CNTN4: variants seen among roughly 807,000 people sequenced by gnomAD.
CNTN4 encodes the protein contactin 4, also known as contactin-4.
CNTN4 carries 77 observed loss-of-function variants against 122.5 expected under a neutral mutation model. That is an observed-to-expected ratio of 0.63 (90% CI 0.52 to 0.76). The LOEUF (loss-of-function observed/expected upper bound fraction) is 0.76, where lower values mean the gene tolerates loss of function less well. Among genes scored for constraint, CNTN4 ranks in the 30% least tolerant of loss-of-function variants. The probability of loss-of-function intolerance (pLI) is 0.00; values close to 1 mark genes in which losing one functional copy is unlikely to be tolerated. For synonymous variants in CNTN4, 512 were observed against 447.0 expected (o/e 1.15, Z -1.83); for missense variants, 1,256 against 1,259.1 (o/e 1.00, Z 0.04).
At chr3:3,024,406 A>AC (rs1156579780) in intron 14 of CNTN4, among the ~76,000 whole-genome samples, 3 of 147,414 alleles carry the variant, frequency 2.0e-5, no homozygotes, top group Non-Finnish European at 3.0e-5. Context: ...AAAAAAAAAA[A>AC]AACAACTTCA....
At chr3:2,175,873 A>C (rs943995848) in intron 2 of CNTN4, among the ~76,000 whole-genome samples, 3 of 152,220 alleles carry the variant, frequency 2.0e-5, no homozygotes, top group African/African-American at 7.2e-5. Context: ...AGCAGCTAGC[A>C]CAGCAAAAAA....
intron 2 of CNTN4, among the ~76,000 whole-genome samples, chr3:2,145,314 T>C (rs1290472135): frequency 1.3e-5 from 2 of 152,208 alleles, no homozygotes; most frequent in Non-Finnish European, 1.5e-5. Flanking sequence ...CACAGTGATC[T>C]GAACCCATTT....
chr3:2,600,034 T>G (rs1309760463), intron 4 of CNTN4, among the ~76,000 whole-genome samples: 1 of 143,442 alleles, frequency 7.0e-6, no homozygotes, highest in East Asian at 2.0e-4. Context: ...TTTTTTTTTT[T>G]TGCCAAAACA....
At chr3:2,506,190 C>G (rs1486056700) in intron 3 of CNTN4, among the ~76,000 whole-genome samples, 1 of 152,150 alleles carries the variant, frequency 6.6e-6, no homozygotes, top group Admixed American at 6.5e-5. Context: ...AGCTGTGACT[C>G]CTGTCATGTA....
At chr3:2,665,314 T>C (rs531092112) in intron 4 of CNTN4, among the ~76,000 whole-genome samples, 2 of 152,346 alleles carry the variant, frequency 1.3e-5, no homozygotes, top group African/African-American at 4.8e-5. Context: ...CAGGATATTT[T>C]CATGAGCTTT....
At chr3:2,744,437 C>T (rs2089644760) in intron 5 of CNTN4, among the ~76,000 whole-genome samples, 1 of 152,202 alleles carries the variant, frequency 6.6e-6, no homozygotes, top group Middle Eastern at 3.2e-3. Flanking sequence ...GTTAATGGCT[C>T]TCATTCCTTA....
At chr3:2,274,759 A>G (rs897307366) in intron 2 of CNTN4, among the ~76,000 whole-genome samples, 4 of 152,196 alleles carry the variant, frequency 2.6e-5, no homozygotes, top group Admixed American at 2.0e-4. Flanking sequence ...AATTCTGTAC[A>G]TAAATACTGA....
chr3:2,155,395 C>G (rs1041062021), intron 2 of CNTN4, among the ~76,000 whole-genome samples: 1 of 152,124 alleles, frequency 6.6e-6, no homozygotes, highest in African/African-American at 2.4e-5. Context: ...TTGGTGAGAT[C>G]GGAGACATTG....
chr3:2,250,124 T>G (rs1421340698), intron 2 of CNTN4, among the ~76,000 whole-genome samples: 1 of 152,002 alleles, frequency 6.6e-6, no homozygotes, highest in Non-Finnish European at 1.5e-5. Flanking sequence ...TTTCATATAA[T>G]TGCCCTTTAT....
At chr3:3,036,406 C>T (rs1699608390) in intron 17 of CNTN4, among the ~76,000 whole-genome samples, 1 of 152,108 alleles carries the variant, frequency 6.6e-6, no homozygotes, top group African/African-American at 2.4e-5. Context: ...GACTGCTAAT[C>T]AGCTGATCTC....
Position 2,130,760 on chromosome 3 carries a change from A to G in CNTN4, c.-145+30121A>G, listed in dbSNP as rs2034412708. Among the ~76,000 whole-genome samples the G allele has an allele frequency of 2.6e-5, 4 of 152,224 alleles. No homozygotes were observed. The South Asian group carries it at 6.2e-4, about 24-fold the overall frequency. ...CAGGTTTTTTGAATAATAGTAACTT[A>G]CATATCTATAGTCTCTTATCTGAAG... On this transcript the variant is annotated intron_variant, in intron 2 of 24. Transcript: ENST00000418658.
intron 3 of CNTN4, among the ~76,000 whole-genome samples, chr3:2,477,491 C>G (rs985398753): frequency 6.6e-6 from 1 of 152,164 alleles, no homozygotes; most frequent in African/African-American, 2.4e-5. Context: ...ATCCTATTTA[C>G]ATATGCAGAA....
intron 2 of CNTN4, among the ~76,000 whole-genome samples, chr3:2,219,266 T>G (rs150926411): frequency 7.7e-4 from 118 of 152,324 alleles, no homozygotes; most frequent in African/African-American, 2.7e-3. Flanking sequence ...AACACTTTTT[T>G]TAGGGCTCCA....
chr3:2,395,530 T>C lies in CNTN4; in HGVS notation c.-89+56297T>C, dbSNP rs113199256. Among the ~76,000 whole-genome samples, 146 of 152,318 alleles carry C rather than the reference T, an allele frequency of 9.6e-4. 2 individuals carry two copies. In the Middle Eastern group the frequency reaches 0.031, roughly 32 times the overall value. On this transcript the variant is annotated intron_variant, in intron 3 of 24. Transcript: ENST00000418658. ...TTTCGTGATGCTGAGGTTTGTGTTA[T>C]GATCGATCTCATCACCCACGCAGTG...
At chr3:2,976,845 G>A (rs1342139569) in intron 13 of CNTN4, among the ~76,000 whole-genome samples, 1 of 151,902 alleles carries the variant, frequency 6.6e-6, no homozygotes, top group African/African-American at 2.4e-5. Context: ...AGATAGGCAA[G>A]GAAATTCAAA....
At chr3:2,597,229 A>G (rs1167452976) in intron 4 of CNTN4, among the ~76,000 whole-genome samples, 1 of 152,150 alleles carries the variant, frequency 6.6e-6, no homozygotes, top group Non-Finnish European at 1.5e-5. Context: ...CATAGCCAAG[A>G]TTTCAGAGAT....
intron 4 of CNTN4, among the ~76,000 whole-genome samples, chr3:2,659,686 G>A (rs2083780821): frequency 6.6e-6 from 1 of 151,998 alleles, no homozygotes; most frequent in African/African-American, 2.4e-5. Context: ...CTACATACCA[G>A]ATGGTCACCT....
intron 5 of CNTN4, among the ~76,000 whole-genome samples, chr3:2,745,018 T>C (rs2149549393): frequency 6.6e-6 from 1 of 152,324 alleles, no homozygotes; most frequent in Non-Finnish European, 1.5e-5. Flanking sequence ...AGATCAATAG[T>C]TCCTCTGCTT....
At chr3:2,300,827 C>T (rs1289240235) in intron 2 of CNTN4, among the ~76,000 whole-genome samples, 1 of 151,880 alleles carries the variant, frequency 6.6e-6, no homozygotes, top group Non-Finnish European at 1.5e-5. Context: ...CCTCGGCCTC[C>T]CAAAGTGCTG....
Sources: gnomAD v4.1 joint callset for allele counts (sites outside exome capture counted in the v4.1 genomes callset) on GRCh38, gnomAD v4.1.1 for gene constraint, MANE v1.5 for transcripts, NCBI Gene and HGNC (gene_info 2026-07-23, HGNC 2026-07-21) for gene names.